PLA2G4D: variants seen among roughly 807,000 people sequenced by gnomAD.
The protein encoded by PLA2G4D is cytosolic phospholipase A2 delta.
In PLA2G4D, 80 loss-of-function variants were observed where a neutral mutation model predicts 94.4. The ratio of observed to expected loss-of-function variants is 0.85; its 90% CI spans 0.71 to 1.02. The LOEUF (loss-of-function observed/expected upper bound fraction) is 1.02, where lower values mean the gene tolerates loss of function less well. Ranked by LOEUF, PLA2G4D falls within the 50% of genes least tolerant of loss-of-function variation. PLA2G4D has a pLI of 0.00. For synonymous variants in PLA2G4D, 438 were observed against 440.9 expected, an observed-to-expected ratio of 0.99 and a Z score of 0.08; for missense variants, 1,050 against 1,034.7, an observed-to-expected ratio of 1.01 and a Z score of -0.20.
chr15:42,071,693 C>A (rs1390345155), intron 15 of PLA2G4D, 81 bp downstream of exon 15: 16 of 1,329,104 alleles, frequency 1.2e-5, no homozygotes, highest in Non-Finnish European at 1.7e-5. Context: ...TGAGGTTCTG[C>A]CCCACCTGAG....
At chr15:42,081,718 C>G (rs1173318554) in intron 10 of PLA2G4D, 79 bp downstream of exon 10, 15 of 1,612,512 alleles carry the variant, frequency 9.3e-6, no homozygotes, top group Non-Finnish European at 1.2e-5. Context: ...CCTCCAATCT[C>G]AAGGACCACC....
intron 2 of PLA2G4D, 33 bp downstream of exon 2, chr15:42,087,595 G>A (rs1050587333): frequency 6.2e-7 from 1 of 1,613,438 alleles, no homozygotes; most frequent in East Asian, 2.2e-5. Context: ...GGTCCTCCCT[G>A]CTCCCGACAG....
rs1212667683 is a variant in PLA2G4D, at chr15:42,070,041, C to G, written c.2098G>C (p.Val700Leu). ...CRARGLPFPR[V>L]EPSPQDQHQP... Reference sequence around the variant, plus strand: ...TGCTGGTCCTGAGGGCTGGGTTCCACCCGGGGGAAGGGCAGCCCCCGGGCC... The same window carrying G: ...TGCTGGTCCTGAGGGCTGGGTTCCAGCCGGGGGAAGGGCAGCCCCCGGGCC... Residue 700 changes from valine (V) to leucine (L), a missense_variant, in exon 19 of 20, where the codon GTG (valine) becomes CTG (leucine). By Grantham distance (32) the Val-to-Leu change is conservative (BLOSUM62 1). Coordinates refer to ENST00000290472, the MANE Select transcript of PLA2G4D (RefSeq NM_178034.4). The G allele has an allele frequency of 1.3e-6, 2 of 1,519,690 alleles. No homozygotes were observed. The highest frequency in any genetic ancestry group is 1.8e-6 in the Non-Finnish European group (2 of 1,134,024). 94.1% of individuals were successfully genotyped at this position (1,519,690 alleles called of 1,614,324 possible). A position where few individuals can be genotyped will look rare whatever the true frequency, so the allele number is the denominator to read the frequency against.
chr15:42,080,876 C>CTCTTGCAGCGTGGAAGAG, intron 12 of PLA2G4D, 121 bp downstream of exon 12: 2 of 1,305,216 alleles, frequency 1.5e-6, no homozygotes, highest in Non-Finnish European at 2.0e-6. Flanking sequence ...CTGCTTGGCG[C>CTCTTGCAGCGTGGAAGAG]CCATCAGATC....
intron 13 of PLA2G4D, among the ~76,000 whole-genome samples, chr15:42,079,083 G>C (rs763506664): frequency 6.6e-6 from 1 of 152,174 alleles, no homozygotes; most frequent in Non-Finnish European, 1.5e-5. Flanking sequence ...CCATTGTACA[G>C]ATCAGAAAAT....
At chr15:42,085,020 A>G in intron 6 of PLA2G4D, 76 bp downstream of exon 6, 1 of 1,536,678 alleles carries the variant, frequency 6.5e-7, no homozygotes, top group Non-Finnish European at 9.0e-7. Flanking sequence ...CTGCTGGTCC[A>G]CACCCCAGGC....
rs199624325 is a variant in PLA2G4D, at chr15:42,081,833, G to C, written c.785C>G (p.Ala262Gly). The change falls in exon 10 of 20, where the codon GCC becomes GGC. Residue 262 changes from alanine to glycine, a missense_variant and splice_region_variant. Physicochemically the swap from Ala to Gly is moderately conservative, Grantham distance 60. Transcript: ENST00000290472. ...CTTGAGCTGCAGCCTCACTCCTGGGGCCTGAAATCAAAGCCAGAGACTCTG... is the reference window on the plus strand; with the variant it reads ...CTTGAGCTGCAGCCTCACTCCTGGGCCCTGAAATCAAAGCCAGAGACTCTG... ...EVTMDVPAPNAPGVRLQLKAE... is the reference protein window; with the variant it reads ...EVTMDVPAPNGPGVRLQLKAE... 1.9e-6 allele frequency: 3 copies of C among 1,614,006 alleles called. No homozygotes were observed. Among genetic ancestry groups the C allele is most frequent in the South Asian group, 2.2e-5 (2 of 91,066 alleles).
chr15:42,093,496 T>C (rs1441574868), intron 1 of PLA2G4D, among the ~76,000 whole-genome samples: 3 of 152,336 alleles, frequency 2.0e-5, no homozygotes, highest in Admixed American at 6.5e-5. Context: ...GCCCCTCCAC[T>C]GGCCTGCATC....
In PLA2G4D at chr15:42,068,513, A is replaced by G. The variant is rs899107063; in HGVS notation, c.*202T>C. On this transcript the variant is annotated 3_prime_UTR_variant, in exon 20 of 20. Coordinates refer to ENST00000290472, the MANE Select transcript of PLA2G4D (RefSeq NM_178034.4). ...TTCTACACACTGGCCTGGCGAAGTT[A>G]TTTTCAACTCATCTCAAGCCAGCCA... The G allele has an allele frequency of 5.0e-6, 3 of 596,948 alleles. No homozygotes were observed. In the East Asian group the frequency reaches 8.4e-5, roughly 17 times the overall value. 37.0% of individuals were successfully genotyped at this position (596,948 alleles called of 1,614,324 possible).
chr15:42,086,183 C>A, intron 4 of PLA2G4D, 30 bp downstream of exon 4: 1 of 1,498,328 alleles, frequency 6.7e-7, no homozygotes, highest in South Asian at 1.2e-5. Context: ...GAAGTGGGGC[C>A]CACGGGGACT....
chr15:42,083,828 G>A (rs776909753), intron 6 of PLA2G4D, 49 bp from the exon 7 acceptor site: 2 of 1,595,208 alleles, frequency 1.3e-6, no homozygotes, highest in Admixed American at 3.3e-5. Context: ...GTAAGCTGAG[G>A]TCCCCTTAAC....
chr15:42,076,181 T>C (rs1341279919), intron 13 of PLA2G4D, among the ~76,000 whole-genome samples: 3 of 152,238 alleles, frequency 2.0e-5, no homozygotes, highest in South Asian at 2.1e-4. Flanking sequence ...ACCTGATACA[T>C]GACAGAATTA....
At chr15:42,075,988 A>G (rs1889916086) in intron 13 of PLA2G4D, among the ~76,000 whole-genome samples, 1 of 152,182 alleles carries the variant, frequency 6.6e-6, no homozygotes, top group African/African-American at 2.4e-5. Context: ...GGTCAAGTAC[A>G]GCCAAGAGAA....
In PLA2G4D at chr15:42,085,156, T is replaced by C; in HGVS notation, c.429-18A>G. The stretch of plus-strand genomic sequence containing the variant: ...GATCTGACCTGGAAAAATCAAACCA[T>C]GCAAAGGCAAACGCTTCCTGCATTG... On this transcript the variant is annotated intron_variant, in intron 5 of 19. Coordinates refer to ENST00000290472, the MANE Select transcript of PLA2G4D (RefSeq NM_178034.4). 6.2e-7 allele frequency: 1 copy of C among 1,614,178 alleles called. No individual in the cohort carries two copies.
intron 3 of PLA2G4D, among the ~76,000 whole-genome samples, chr15:42,086,928 C>T (rs1345862501): frequency 6.6e-6 from 1 of 152,180 alleles, no homozygotes; most frequent in African/African-American, 2.4e-5. Context: ...GTCTCTCTCT[C>T]CCTGGCTTTT....
intron 1 of PLA2G4D, among the ~76,000 whole-genome samples, chr15:42,091,595 C>G (rs1440619598): frequency 6.6e-6 from 1 of 151,736 alleles, no homozygotes; most frequent in East Asian, 1.9e-4. Context: ...TCCCTTTCCC[C>G]GGGGGAGTTA....
rs1407645718 is a variant in PLA2G4D at position 42,084,689 on chromosome 15, C to T, written c.471+407G>A. 2.0e-5 allele frequency among the ~76,000 whole-genome samples: 3 copies of T among 152,176 alleles called. No individual in the cohort carries two copies. The highest frequency in any genetic ancestry group is 2.9e-5 in the Non-Finnish European group (2 of 68,030). On this transcript the variant is annotated intron_variant, in intron 6 of 19. Transcript: ENST00000290472. This position sits in a 1 kb window ranked among gnomAD's most constrained non-coding sequence, Gnocchi z 4.8. ...TGATCCTCCTAGGTTGGCAGTACACCGCCCTGGGAACTCCCTCTGAGCCTC... is the reference window on the plus strand; with the variant it reads ...TGATCCTCCTAGGTTGGCAGTACACTGCCCTGGGAACTCCCTCTGAGCCTC...
intron 1 of PLA2G4D, among the ~76,000 whole-genome samples, chr15:42,093,439 T>C (rs771942892): frequency 6.6e-6 from 1 of 152,216 alleles, no homozygotes; most frequent in South Asian, 2.1e-4. Context: ...TGGGCCGTTC[T>C]GGGCTCAGGG....
intron 13 of PLA2G4D, among the ~76,000 whole-genome samples, chr15:42,077,222 G>A (rs1329758024): frequency 6.6e-6 from 1 of 152,108 alleles, no homozygotes; most frequent in Non-Finnish European, 1.5e-5. Context: ...TACTTCCAAA[G>A]TCATTATCCA....
Sources: gnomAD v4.1 joint callset for allele counts (sites outside exome capture counted in the v4.1 genomes callset) on GRCh38, gnomAD v4.1.1 for gene constraint, Gnocchi (gnomAD v3.1) non-coding constraint, MANE v1.5 for transcripts, NCBI Gene and HGNC (gene_info 2026-07-23, HGNC 2026-07-21) for gene names.